Variants in NEDD9 observed in about 807,000 individuals in gnomAD.
NEDD9 encodes neural precursor cell expressed, developmentally down-regulated 9.
NEDD9 carries 26 observed loss-of-function variants against 76.6 expected under a neutral mutation model. The observed-to-expected ratio is 0.34, with a 90% CI of 0.25 to 0.47. The LOEUF (loss-of-function observed/expected upper bound fraction) is 0.47. NEDD9 is among the 20% of genes least tolerant of loss of function. The pLI is 1.00. For missense variants in NEDD9, 937 were observed against 1,058.5 expected (o/e 0.89, Z 1.59); for synonymous variants, 392 against 414.2 (o/e 0.95, Z 0.65).
At chr6:11,359,643 G>A (rs1762641128) in intron 1 of NEDD9, among the ~76,000 whole-genome samples, 6 of 152,202 alleles carry the variant, frequency 3.9e-5, no homozygotes, top group Admixed American at 3.9e-4. Context: ...AGCTCCTCAA[G>A]GGCTGCTTCC....
In NEDD9 at chr6:11,185,309, C is replaced by T. The variant is rs1019262787; in HGVS notation, c.2358G>A (p.Gln786=). The T allele has an allele frequency of 3.1e-6, 5 of 1,614,056 alleles. No individual in the cohort carries two copies. The African/African-American group carries it at 6.7e-5, about 22-fold the overall frequency. Residue 786 remains glutamine, a synonymous_variant, in exon 7 of 7, where the codon CAG becomes CAA. Coordinates refer to ENST00000379446, the MANE Select transcript of NEDD9 (RefSeq NM_006403.4). ...TGGTTGCCATGACTATGGTCTTGAGCTGCTCGCAGAGCTGGTTGCTGGAGT... is the reference window on the plus strand; with the variant it reads ...TGGTTGCCATGACTATGGTCTTGAGTTGCTCGCAGAGCTGGTTGCTGGAGT... ...VMNSSNQLCE[Q]LKTIVMATKM...
intron 3 of NEDD9, among the ~76,000 whole-genome samples, chr6:11,244,267 ACACACACACGTGTGTGCACG>A (rs773870745): frequency 1.1e-4 from 17 of 151,152 alleles, no homozygotes; most frequent in African/African-American, 1.7e-4. Flanking sequence ...CTTTACACAC[ACACACACACGTGTGTGCACG>A]CACACACACA....
intron 3 of NEDD9, among the ~76,000 whole-genome samples, chr6:11,192,932 C>CAAAAA (rs71550759): frequency 1.4e-4 from 4 of 28,168 alleles, no homozygotes; most frequent in Admixed American, 1.1e-3. Flanking sequence ...GACTCTGTCT[C>CAAAAA]AAAAAAAAAA....
At position 11,184,587 on chromosome 6, in the gene NEDD9, A is replaced by T. The variant is rs1757930026; in HGVS notation, c.*575T>A. ...TTGCTCCGCAAGAGGGCTTTTGGGC[A>T]CTTGGCCATCATGTGTTTAAGATGG... On this transcript the variant is annotated 3_prime_UTR_variant, in exon 7 of 7. Coordinates refer to ENST00000379446, the MANE Select transcript of NEDD9 (RefSeq NM_006403.4). The T allele has an allele frequency of 6.5e-6, 1 of 152,802 alleles. No individual in the cohort carries two copies. The highest frequency in any genetic ancestry group is 2.1e-4 in the South Asian group (1 of 4,858). 9.5% of individuals were successfully genotyped at this position (152,802 alleles called of 1,614,324 possible). A position where few individuals can be genotyped will look rare whatever the true frequency, so the allele number is the denominator to read the frequency against.
At chr6:11,264,327 G>T (rs1760165107) in intron 3 of NEDD9, among the ~76,000 whole-genome samples, 1 of 152,130 alleles carries the variant, frequency 6.6e-6, no homozygotes, top group Non-Finnish European at 1.5e-5. Flanking sequence ...GAAGAATCAG[G>T]GCTCTGTGAG....
chr6:11,346,483 C>CCT lies in NEDD9; in HGVS notation c.-213-11923_-213-11922insAG, dbSNP rs1554134763. Among the ~76,000 whole-genome samples, 24 of 151,500 alleles carry CCT rather than the reference C, an allele frequency of 1.6e-4. No homozygotes were observed. In the South Asian group the frequency reaches 5.0e-3, roughly 32 times the overall value. ...GTTATAAGAAGGCTCGGAGGCCCCC[C>CCT]CCCCCGAGGTGAGTGGAAAGCCCTC... On this transcript the variant is annotated intron_variant, in intron 1 of 3. Transcript: ENST00000397378.
intron 3 of NEDD9, among the ~76,000 whole-genome samples, chr6:11,250,072 A>C (rs1175682472): frequency 1.3e-5 from 2 of 152,174 alleles, no homozygotes; most frequent in African/African-American, 2.4e-5. Flanking sequence ...CAGATGTGCA[A>C]ATGGCTGGCT....
intron 1 of NEDD9, among the ~76,000 whole-genome samples, chr6:11,372,693 A>C (rs1300844957): frequency 1.3e-5 from 2 of 152,264 alleles, no homozygotes; most frequent in Middle Eastern, 6.8e-3. Context: ...AGCCATTTTA[A>C]CTGTGGTGAA....
rs1257948729 is a variant in NEDD9 at position 11,370,527 on chromosome 6, T to C, written c.-214+11612A>G. ...ACCCACTAGGTGCACAAGGCTCTCCTCAAGCCGCCTTTTCTTCCCCTCACA... is the reference window on the plus strand; with the variant it reads ...ACCCACTAGGTGCACAAGGCTCTCCCCAAGCCGCCTTTTCTTCCCCTCACA... On this transcript the variant is annotated intron_variant, in intron 1 of 3. Coordinates refer to the NEDD9 transcript ENST00000397378. The surrounding 1 kb of genome is among the most constrained non-coding windows in gnomAD (Gnocchi z 4.2). Among the ~76,000 whole-genome samples, 2 of 152,164 alleles carry C rather than the reference T, an allele frequency of 1.3e-5. No individual in the cohort carries two copies. Among genetic ancestry groups the C allele is most frequent in the Non-Finnish European group, 2.9e-5 (2 of 68,020 alleles).
intron 3 of NEDD9, among the ~76,000 whole-genome samples, chr6:11,255,449 G>A (rs1465631252): frequency 6.6e-6 from 1 of 152,198 alleles, no homozygotes; most frequent in Non-Finnish European, 1.5e-5. Context: ...AGGGAGGTTG[G>A]CCAGGGCCTT....
At chr6:11,272,650 G>T (rs1760333550) in intron 3 of NEDD9, among the ~76,000 whole-genome samples, 1 of 152,172 alleles carries the variant, frequency 6.6e-6, no homozygotes, top group Non-Finnish European at 1.5e-5. Flanking sequence ...ACCTCAGATT[G>T]CTCAGTTCCT....
intron 3 of NEDD9, among the ~76,000 whole-genome samples, chr6:11,273,173 G>T (rs1220719767): frequency 6.6e-6 from 1 of 152,298 alleles, no homozygotes; most frequent in Middle Eastern, 3.4e-3. Flanking sequence ...TTGGGAATTG[G>T]CTAGGTGAAG....
chr6:11,303,837 C>A (rs536066328), intron 3 of NEDD9, among the ~76,000 whole-genome samples: 1 of 152,272 alleles, frequency 6.6e-6, no homozygotes, highest in East Asian at 1.9e-4. Context: ...AAATGTAAGA[C>A]CTAACACTGT....
In NEDD9 at chr6:11,191,148, A is replaced by G; in HGVS notation, c.721T>C (p.Tyr241His). ...RDEAGLREKD[Y>H]DFPPPMRQAG... ...TGTCTCATGGGAGGGGGGAAGTCAT[A>G]GTCTTTTTCCCTAAGCCCTGCTTCA... The change falls in exon 5 of 7, where the codon TAT becomes CAT. Residue 241 changes from tyrosine to histidine, a missense_variant. Transcript: ENST00000379446. The G allele has an allele frequency of 6.2e-7, 1 of 1,613,774 alleles. No homozygotes were observed. Among genetic ancestry groups the G allele is most frequent in the South Asian group, 1.1e-5 (1 of 91,054 alleles).
intron 3 of NEDD9, chr6:11,271,643 G>T (rs1285331746): frequency 6.6e-6 from 1 of 152,212 alleles, no homozygotes; most frequent in Admixed American, 6.5e-5. Context: ...CATCTTCATA[G>T]TCCTGCATTA....
intron 2 of NEDD9, among the ~76,000 whole-genome samples, chr6:11,207,043 A>G (rs770449209): frequency 6.6e-6 from 1 of 152,160 alleles, no homozygotes; most frequent in Non-Finnish European, 1.5e-5. Context: ...TACTTTATTG[A>G]TTTATAAATG....
chr6:11,304,084 T>G (rs546508374), intron 3 of NEDD9, among the ~76,000 whole-genome samples: 2 of 152,150 alleles, frequency 1.3e-5, no homozygotes, highest in African/African-American at 4.8e-5. Context: ...ATATTCAGAA[T>G]CTACAAAGAA....
chr6:11,305,096 G>A, intron 3 of NEDD9: 3 of 1,288,772 alleles, frequency 2.3e-6, no homozygotes, highest in Non-Finnish European at 3.0e-6. Context: ...AGGAGATTGG[G>A]CTGTTCTTGG....
At chr6:11,366,811 T>C (rs185385348) in intron 1 of NEDD9, among the ~76,000 whole-genome samples, 76 of 149,996 alleles carry the variant, frequency 5.1e-4, no homozygotes, top group African/African-American at 1.9e-3. Flanking sequence ...AGTTACGTCA[T>C]CTTTCCCACC....
Sources: gnomAD v4.1 joint callset for allele counts (sites outside exome capture counted in the v4.1 genomes callset) on GRCh38, gnomAD v4.1.1 for gene constraint, Gnocchi (gnomAD v3.1) non-coding constraint, MANE v1.5 for transcripts, NCBI Gene and HGNC (gene_info 2026-07-23, HGNC 2026-07-21) for gene names.